The following RNF130 variants were observed in gnomAD, a reference collection of about 807,000 sequenced individuals.
RNF130 encodes ring finger protein 130, also known as E3 ubiquitin-protein ligase RNF130.
A neutral mutation model predicts 44.6 loss-of-function variants in RNF130; 21 were observed. The observed-to-expected ratio is 0.47, with a 90% CI of 0.33 to 0.68. The LOEUF (loss-of-function observed/expected upper bound fraction) is 0.68. Ranked by LOEUF, RNF130 falls within the 30% of genes least tolerant of loss-of-function variation. The pLI is 0.02. For synonymous variants in RNF130, 214 were observed against 210.4 expected, an observed-to-expected ratio of 1.02 and a Z score of -0.15; for missense variants, 479 against 560.6, an observed-to-expected ratio of 0.85 and a Z score of 1.47.
intron 2 of RNF130, among the ~76,000 whole-genome samples, chr5:180,029,305 G>A (rs1383860805): frequency 6.6e-6 from 1 of 152,130 alleles, no homozygotes; most frequent in Non-Finnish European, 1.5e-5. Flanking sequence ...TCTATAAATT[G>A]GATGAAGTAT....
chr5:180,061,278 C>G (rs531340642), intron 1 of RNF130, among the ~76,000 whole-genome samples: 5 of 152,046 alleles, frequency 3.3e-5, no homozygotes, highest in South Asian at 4.1e-4. Context: ...TTGGAAAAAA[C>G]CACAACAACT....
At chr5:180,030,883 T>C (rs552055927) in intron 2 of RNF130, among the ~76,000 whole-genome samples, 1 of 152,354 alleles carries the variant, frequency 6.6e-6, no homozygotes, top group South Asian at 2.1e-4. Context: ...CAGCTGAGAA[T>C]ACCACCAGTG....
intron 1 of RNF130, 137 bp from the exon 2 acceptor site, chr5:180,040,784 A>G: frequency 1.5e-6 from 1 of 682,900 alleles, no homozygotes; most frequent in African/African-American, 1.8e-5. Flanking sequence ...CTATGAATAC[A>G]TCCACAAACA....
chr5:180,055,440 T>TCTGTGTGTGTGTGTG (rs57927481), intron 1 of RNF130, among the ~76,000 whole-genome samples: 9 of 150,778 alleles, frequency 6.0e-5, no homozygotes, highest in Middle Eastern at 3.4e-3. Flanking sequence ...TCAGATGACT[T>TCTGTGTGTGTGTGTG]TGTGTGTGTG....
At position 179,977,542 on chromosome 5, in the gene RNF130, T is replaced by A. The variant is rs1202802956; in HGVS notation, c.848+661A>T. Among the ~76,000 whole-genome samples, 1 of 152,140 alleles carries A rather than the reference T, an allele frequency of 6.6e-6. No homozygotes were observed. The highest frequency in any genetic ancestry group is 1.5e-5 in the Non-Finnish European group (1 of 68,020). ...AGTTCATGTTCAGCTGTGCGCAACATAGTGAGAACCCCATCTTTAAAGAAA... is the reference window on the plus strand; with the variant it reads ...AGTTCATGTTCAGCTGTGCGCAACAAAGTGAGAACCCCATCTTTAAAGAAA... On this transcript the variant is annotated intron_variant, in intron 5 of 8. Coordinates refer to ENST00000521389, the MANE Select transcript of RNF130 (RefSeq NM_018434.6). This position sits in a 1 kb window ranked among gnomAD's most constrained non-coding sequence, Gnocchi z 4.1.
At chr5:179,985,751 G>A (rs977326202) in intron 3 of RNF130, among the ~76,000 whole-genome samples, 1 of 152,122 alleles carries the variant, frequency 6.6e-6, no homozygotes, top group Non-Finnish European at 1.5e-5. Context: ...TCATAGACCT[G>A]ACTGCATTTG....
In RNF130 at chr5:179,980,139, T is replaced by C. The variant is rs930981130; in HGVS notation, c.755A>G (p.Lys252Arg). 4.3e-6 allele frequency: 7 copies of C among 1,614,120 alleles called. No homozygotes were observed. The highest frequency in any genetic ancestry group is 5.9e-6 in the Non-Finnish European group (7 of 1,179,946). The change falls in exon 4 of 9, where the codon AAG becomes AGG. Residue 252 changes from lysine (K) to arginine (R), a missense_variant. Lys to Arg is a conservative substitution (Grantham distance 26, BLOSUM62 2). This residue lies in a region of RNF130 where 180 missense variants were observed against 275.1 expected (regional missense o/e 0.65). Coordinates refer to ENST00000521389, the MANE Select transcript of RNF130 (RefSeq NM_018434.6). ...ISKLTTRTVK[K>R]GDKETDPDFD... The stretch of plus-strand genomic sequence containing the variant: ...GTTTCATGACTGTACCTTGTCACCC[T>C]TCTTTACTGTCCTGGTTGTCAATTT...
chr5:179,994,193 G>C (rs1763154120), intron 3 of RNF130, among the ~76,000 whole-genome samples: 1 of 151,716 alleles, frequency 6.6e-6, no homozygotes, highest in Non-Finnish European at 1.5e-5. Context: ...GGCTTATGCG[G>C]GCTCTTTTTT....
At chr5:179,973,084 C>T (rs747840009) in intron 5 of RNF130, among the ~76,000 whole-genome samples, 1 of 152,180 alleles carries the variant, frequency 6.6e-6, no homozygotes, top group Non-Finnish European at 1.5e-5. Context: ...CCTTTGGGCT[C>T]TCCATCCACC....
chr5:180,024,071 C>T lies in RNF130; in HGVS notation c.443-10760G>A, dbSNP rs186306392. ...TATCCCTAGCCTAATTATAAGAAAA[C>T]TATCAAACATGTCCCAGTTGAAGGA... On this transcript the variant is annotated intron_variant, in intron 2 of 8. Coordinates refer to ENST00000521389, the MANE Select transcript of RNF130 (RefSeq NM_018434.6). Among the ~76,000 whole-genome samples the T allele has an allele frequency of 3.7e-3, 558 of 152,310 alleles. 2 individuals are homozygous for T. Among genetic ancestry groups the T allele is most frequent in the Middle Eastern group, 0.01 (3 of 294 alleles).
chr5:179,961,710 CAA>C (rs1393260824), intron 8 of RNF130, among the ~76,000 whole-genome samples: 1 of 152,130 alleles, frequency 6.6e-6, no homozygotes, highest in Non-Finnish European at 1.5e-5. Flanking sequence ...TGGGAATAAG[CAA>C]AAGAGGTGGC....
chr5:179,934,248 G>A (rs1429066312), intron 7 of RNF130: 3 of 160,308 alleles, frequency 1.9e-5, no homozygotes, highest in Admixed American at 6.3e-5. Context: ...TAAAGTATAC[G>A]GTTCAGTCGT....
chr5:179,987,666 C>T (rs1378131420), intron 3 of RNF130, among the ~76,000 whole-genome samples: 5 of 152,182 alleles, frequency 3.3e-5, no homozygotes, highest in Non-Finnish European at 7.3e-5. Context: ...TACTTCTATA[C>T]CTAATTTGCA....
At position 180,071,677 on chromosome 5, in the gene RNF130, G is replaced by T; in HGVS notation, c.26C>A (p.Pro9His). The change falls in exon 1 of 9, where the codon CCT (proline) becomes CAT (histidine). Residue 9 changes from proline to histidine, a missense_variant. Around this residue, in one of 3 missense-constraint regions of RNF130, gnomAD observed 138 missense variants for 126.9 expected, o/e 1.09. Transcript: ENST00000521389. MSCAGRAG[P>H]ARLAALALLT... The stretch of plus-strand genomic sequence containing the variant: ...CAGGGCGAGCGCGGCGAGCCGGGCA[G>T]GGCCCGCCCGCCCCGCGCAGCTCAT... 2 of 1,407,598 alleles carry T rather than the reference G, an allele frequency of 1.4e-6. No individual in the cohort carries two copies. Among genetic ancestry groups the T allele is most frequent in the Non-Finnish European group, 1.9e-6 (2 of 1,076,358 alleles). 87.2% of individuals were successfully genotyped at this position (1,407,598 alleles called of 1,614,324 possible).
intron 2 of RNF130, among the ~76,000 whole-genome samples, chr5:180,038,945 T>C (rs1160338983): frequency 6.6e-6 from 1 of 152,212 alleles, no homozygotes; most frequent in African/African-American, 2.4e-5. Context: ...CATCTTTAAA[T>C]AGTTTTTCTT....
At chr5:179,973,117 C>A (rs1337076708) in intron 5 of RNF130, among the ~76,000 whole-genome samples, 1 of 152,144 alleles carries the variant, frequency 6.6e-6, no homozygotes, top group Non-Finnish European at 1.5e-5. Context: ...TACTCCTGAC[C>A]CTACCTCTGA....
chr5:179,963,481 T>A lies in RNF130; in HGVS notation c.1234A>T (p.Asn412Tyr). 1 of 1,613,652 alleles carries A rather than the reference T, an allele frequency of 6.2e-7. No homozygotes were observed. Among genetic ancestry groups the A allele is most frequent in the Non-Finnish European group, 8.5e-7 (1 of 1,179,596 alleles). ...CAATTTGTTACTTACTCATTAGCAT[T>A]CAAGCTAGCTGTGGCTCTGATGATC... ...YMIIRATASL[N>Y]ANEVEWF Residue 412 changes from asparagine to tyrosine, a missense_variant, in exon 8 of 9, where the codon AAT becomes TAT. By Grantham distance (143) the Asn-to-Tyr change is moderately radical (BLOSUM62 -2). Coordinates refer to ENST00000521389, the MANE Select transcript of RNF130 (RefSeq NM_018434.6).
At chr5:180,057,796 T>C (rs1282191517) in intron 1 of RNF130, among the ~76,000 whole-genome samples, 3 of 152,098 alleles carry the variant, frequency 2.0e-5, no homozygotes. Context: ...TTTTCCTGAG[T>C]TCTATGAGCT....
downstream of RNF130, among the ~76,000 whole-genome samples, chr5:179,952,441 ATTC>A (rs1032530601): frequency 4.6e-5 from 7 of 152,170 alleles, no homozygotes; most frequent in South Asian, 6.2e-4. Flanking sequence ...AATTAACACA[ATTC>A]TTCTTAAGAT....
Sources: gnomAD v4.1 joint callset for allele counts (sites outside exome capture counted in the v4.1 genomes callset) on GRCh38, gnomAD v4.1.1 for gene constraint, gnomAD v4.1.1 regional missense constraint, Gnocchi (gnomAD v3.1) non-coding constraint, MANE v1.5 for transcripts, NCBI Gene and HGNC (gene_info 2026-07-23, HGNC 2026-07-21) for gene names.